Variants in CCNY observed in about 807,000 individuals in gnomAD.
CCNY encodes the protein cyclin Y, also known as cyclin-Y.
Under a neutral mutation model 42.8 loss-of-function variants are expected in CCNY, and 19 were observed. That is an observed-to-expected ratio of 0.44 (90% CI 0.31 to 0.65). The LOEUF is 0.65. Among genes scored for constraint, CCNY ranks in the 30% least tolerant of loss-of-function variants. CCNY has a pLI of 0.07. For missense variants in CCNY, 370 were observed against 437.3 expected, an observed-to-expected ratio of 0.85 and a Z score of 1.37; for synonymous variants, 165 against 162.7, an observed-to-expected ratio of 1.01 and a Z score of -0.11.
intron 1 of CCNY, among the ~76,000 whole-genome samples, chr10:35,423,075 G>GT (rs1838192678): frequency 6.6e-6 from 1 of 152,140 alleles, no homozygotes; most frequent in Non-Finnish European, 1.5e-5. Context: ...CACCTCCCCA[G>GT]TCTCCTAAAG....
At chr10:35,433,575 G>A (rs1443189007) in intron 1 of CCNY, among the ~76,000 whole-genome samples, 1 of 152,202 alleles carries the variant, frequency 6.6e-6, no homozygotes, top group Non-Finnish European at 1.5e-5. Flanking sequence ...ATTTTCTAGT[G>A]TATGATACAT....
intron 3 of CCNY, among the ~76,000 whole-genome samples, chr10:35,323,330 A>G (rs1835842817): frequency 6.6e-6 from 1 of 152,236 alleles, no homozygotes; most frequent in Non-Finnish European, 1.5e-5. Context: ...AAACTTGTAC[A>G]TAGATGTTCA....
intron 3 of CCNY, among the ~76,000 whole-genome samples, chr10:35,276,697 T>G (rs1181532940): frequency 6.6e-6 from 1 of 152,228 alleles, no homozygotes; most frequent in East Asian, 1.9e-4. Flanking sequence ...GGAGCCCAGT[T>G]GTGAACAGTA....
At chr10:35,401,441 A>C (rs1465602404) in intron 1 of CCNY, among the ~76,000 whole-genome samples, 1 of 152,224 alleles carries the variant, frequency 6.6e-6, no homozygotes, top group Non-Finnish European at 1.5e-5. Context: ...TTTCCTTCTT[A>C]AACAGCTATA....
At chr10:35,526,022 A>G in intron 5 of CCNY, 23 bp downstream of exon 5, 1 of 1,597,324 alleles carries the variant, frequency 6.3e-7, no homozygotes, top group Non-Finnish European at 8.6e-7. Context: ...TTGTGTGCTA[A>G]AAACATCATA....
At chr10:35,267,128 T>C (rs1025726045) in intron 3 of CCNY, among the ~76,000 whole-genome samples, 7 of 149,044 alleles carry the variant, frequency 4.7e-5, no homozygotes, top group African/African-American at 7.4e-5. Context: ...TGAGGGCACA[T>C]AGAACAGCTC....
intron 1 of CCNY, among the ~76,000 whole-genome samples, chr10:35,396,717 C>G (rs1437832571): frequency 1.3e-5 from 2 of 152,178 alleles, no homozygotes; most frequent in Admixed American, 6.5e-5. Context: ...CCAGGCACTC[C>G]TACCCTGCAG....
chr10:35,496,010 G>A (rs1237809643), intron 2 of CCNY, among the ~76,000 whole-genome samples: 1 of 152,126 alleles, frequency 6.6e-6, no homozygotes, highest in African/African-American at 2.4e-5. Context: ...ATTGTTCAAG[G>A]CCTGATCTGT....
intron 3 of CCNY, among the ~76,000 whole-genome samples, chr10:35,297,473 AGTACT>A (rs1420301618): frequency 1.3e-5 from 2 of 152,198 alleles, no homozygotes; most frequent in African/African-American, 4.8e-5. Context: ...TATTCAATAT[AGTACT>A]GGAAGTCCTG....
chr10:35,500,918 C>T (rs749888256), intron 2 of CCNY, among the ~76,000 whole-genome samples: 1 of 152,272 alleles, frequency 6.6e-6, no homozygotes, highest in East Asian at 1.9e-4. Flanking sequence ...TGACCTCTGT[C>T]AGCCTTATGG....
Position 35,541,876 on chromosome 10 carries a change from A to G in CCNY, c.580-11143A>G, listed in dbSNP as rs1478829099. ...GGACACCATGTTGTATCTAGTTGTCATTATCCAGCATCCCTTTTCTTCTTT... is the reference window on the plus strand; with the variant it reads ...GGACACCATGTTGTATCTAGTTGTCGTTATCCAGCATCCCTTTTCTTCTTT... On this transcript the variant is annotated intron_variant, in intron 7 of 9. Coordinates refer to ENST00000374704, the MANE Select transcript of CCNY (RefSeq NM_145012.6). Among the ~76,000 whole-genome samples the G allele has an allele frequency of 2.0e-5, 3 of 149,420 alleles. No individual in the cohort carries two copies. In the East Asian group the frequency reaches 5.9e-4, roughly 30 times the overall value.
chr10:35,472,902 C>T (rs951820026), intron 1 of CCNY, among the ~76,000 whole-genome samples: 15 of 152,020 alleles, frequency 9.9e-5, no homozygotes, highest in African/African-American at 3.1e-4. Context: ...AGTAGTATTT[C>T]GATACGAATA....
Position 35,304,468 on chromosome 10 carries a change from CCCGG to C in CCNY, c.-9+53844_-9+53847del, listed in dbSNP as rs1264859343. On this transcript the variant is annotated intron_variant, in intron 3 of 11. Transcript: ENST00000374706. ...GGGACTACAGGCGCCCGCCACTACG[CCCGG>C]CTAATTTTTTTGTATTTTTAGTAGA... Among the ~76,000 whole-genome samples, 3 of 107,580 alleles carry C rather than the reference CCCGG, an allele frequency of 2.8e-5. 1 individual carries two copies. The highest frequency in any genetic ancestry group is 1.3e-4 in the African/African-American group (3 of 22,348). The allele number at this position is 107,580 out of a possible 152,430, so 70.6% of individuals were successfully genotyped here. A position where few individuals can be genotyped will look rare whatever the true frequency, so the allele number is the denominator to read the frequency against.
At chr10:35,563,428 A>C (rs979583731) in intron 8 of CCNY, among the ~76,000 whole-genome samples, 91 of 152,230 alleles carry the variant, frequency 6.0e-4, no homozygotes, top group African/African-American at 2.1e-3. Context: ...CTGTTCTCTT[A>C]GACTTTTCTT....
At chr10:35,412,170 G>T (rs1328491853) in intron 1 of CCNY, among the ~76,000 whole-genome samples, 1 of 152,162 alleles carries the variant, frequency 6.6e-6, no homozygotes, top group African/African-American at 2.4e-5. Context: ...CCCACTTAAT[G>T]CAAGGGCACA....
intron 1 of CCNY, among the ~76,000 whole-genome samples, chr10:35,384,825 G>A (rs1416101890): frequency 6.6e-6 from 1 of 152,122 alleles, no homozygotes; most frequent in Non-Finnish European, 1.5e-5. Flanking sequence ...GTGGGCTTCC[G>A]AGACAGCAGG....
At chr10:35,313,544 G>A (rs950443134) in intron 3 of CCNY, among the ~76,000 whole-genome samples, 6 of 152,122 alleles carry the variant, frequency 3.9e-5, no homozygotes, top group Non-Finnish European at 5.9e-5. Flanking sequence ...ATTGAGGCAC[G>A]GGAGCCTCCA....
At chr10:35,308,317 C>A (rs1382123260) in intron 3 of CCNY, among the ~76,000 whole-genome samples, 1 of 151,756 alleles carries the variant, frequency 6.6e-6, no homozygotes, top group Non-Finnish European at 1.5e-5. Context: ...CTTTGGGAGG[C>A]CAAAGTGGGA....
At chr10:35,291,420 G>C (rs893746271) in intron 3 of CCNY, among the ~76,000 whole-genome samples, 1 of 151,578 alleles carries the variant, frequency 6.6e-6, no homozygotes, top group Admixed American at 6.6e-5. Flanking sequence ...ATATTCCATT[G>C]TATCAACAGA....
Sources: allele counts gnomAD v4.1 joint callset (sites outside exome capture counted in the v4.1 genomes callset), GRCh38; gene constraint gnomAD v4.1.1; transcripts MANE v1.5; gene names NCBI Gene and HGNC (gene_info 2026-07-23, HGNC 2026-07-21).